Variants in SLC27A4 observed in about 807,000 individuals in gnomAD.
The protein encoded by SLC27A4 is solute carrier family 27 member 4, also known as long-chain fatty acid transport protein 4.
SLC27A4 carries 33 observed loss-of-function variants against 64.4 expected under a neutral mutation model. The ratio of observed to expected loss-of-function variants is 0.51; its 90% CI spans 0.39 to 0.68. The LOEUF is 0.68. Among genes scored for constraint, SLC27A4 ranks in the 30% least tolerant of loss-of-function variants. SLC27A4 has a pLI of 0.00. For synonymous variants in SLC27A4, 377 were observed against 370.0 expected, an observed-to-expected ratio of 1.02 and a Z score of -0.22; for missense variants, 824 against 883.5, an observed-to-expected ratio of 0.93 and a Z score of 0.85.
chr9:128,340,589 G>C lies in SLC27A4; in HGVS notation c.-256G>C. 1 of 242,724 alleles carries C rather than the reference G, an allele frequency of 4.1e-6. No individual in the cohort carries two copies. The allele number at this position is 242,724 out of a possible 1,614,324, so 15.0% of individuals were successfully genotyped here. ...GCTTGCCGGCTTCGGGGAAGGTGCG[G>C]CAGGCGGTGCTGCGGCCTGGCACAG... is the stretch of plus-strand genomic sequence containing the variant. On this transcript the variant is annotated 5_prime_UTR_variant, in exon 1 of 13. Transcript: ENST00000300456.
At chr9:128,347,572 C>A (rs1466228189) in intron 3 of SLC27A4, among the ~76,000 whole-genome samples, 3 of 151,056 alleles carry the variant, frequency 2.0e-5, no homozygotes, top group African/African-American at 7.3e-5. Flanking sequence ...ACTAAAAATA[C>A]AAAAATTAGC....
At chr9:128,352,884 CAGATGGGAAGGCTGAGA>C in intron 7 of SLC27A4, 124 bp from the exon 8 acceptor site, 4 of 1,060,396 alleles carry the variant, frequency 3.8e-6, no homozygotes, top group Non-Finnish European at 5.7e-6. Context: ...TCCCATTGTT[CAGATGGGAAGGCTGAGA>C]CCCGGAGAGG....
At chr9:128,351,310 C>A (rs1832733020) in intron 6 of SLC27A4, among the ~76,000 whole-genome samples, 1 of 151,458 alleles carries the variant, frequency 6.6e-6, no homozygotes, top group African/African-American at 2.4e-5. Context: ...GCCTGTAATC[C>A]CAGCTACCTG....
rs185356013 is a variant in SLC27A4, at chr9:128,359,349, C to T, written c.1775-985C>T. Among the ~76,000 whole-genome samples, 8 of 152,186 alleles carry T rather than the reference C, an allele frequency of 5.3e-5. No individual in the cohort carries two copies. The East Asian group carries it at 1.2e-3, about 22-fold the overall frequency. Reference sequence around the variant, plus strand: ...ACAAGAAATACAAAACTTGGCCAGGCGCAGTGGCCCACGCCTGTAATCCCA... The same window carrying T: ...ACAAGAAATACAAAACTTGGCCAGGTGCAGTGGCCCACGCCTGTAATCCCA... On this transcript the variant is annotated intron_variant, in intron 12 of 12. Transcript: ENST00000300456.
chr9:128,360,680 A>G lies in SLC27A4; in HGVS notation c.*189A>G. 1 of 620,024 alleles carries G rather than the reference A, an allele frequency of 1.6e-6. No homozygotes were observed. The highest frequency in any genetic ancestry group is 2.8e-6 in the Non-Finnish European group (1 of 354,570). 38.4% of individuals were successfully genotyped at this position (620,024 alleles called of 1,614,324 possible). A position where few individuals can be genotyped will look rare whatever the true frequency, so the allele number is the denominator to read the frequency against. The stretch of plus-strand genomic sequence containing the variant: ...CAACCCTTCCAGAGGCTTTCTGTGA[A>G]AGTCTCATGTCCAAGTTCCGTCTTC... On this transcript the variant is annotated 3_prime_UTR_variant, in exon 13 of 13. Coordinates refer to ENST00000300456, the MANE Select transcript of SLC27A4 (RefSeq NM_005094.4).
intron 6 of SLC27A4, among the ~76,000 whole-genome samples, chr9:128,351,791 G>A (rs552539990): frequency 6.6e-6 from 1 of 152,098 alleles, no homozygotes; most frequent in South Asian, 2.1e-4. Flanking sequence ...TGGTGCACAT[G>A]CCTATGGTCT....
intron 2 of SLC27A4, 24 bp downstream of exon 2, chr9:128,343,317 C>G (rs758434369): frequency 6.2e-7 from 1 of 1,613,918 alleles, no homozygotes; most frequent in Non-Finnish European, 8.5e-7. Flanking sequence ...CCAGCCTTTC[C>G]TGGGGTCTGC....
At position 128,353,226 on chromosome 9, in the gene SLC27A4, G is replaced by A. The variant is rs778382495; in HGVS notation, c.1189G>A (p.Asp397Asn). 2.5e-5 allele frequency: 41 copies of A among 1,613,864 alleles called. No individual in the cohort carries two copies. Among genetic ancestry groups the A allele is most frequent in the Middle Eastern group, 1.7e-4 (1 of 6,026 alleles). ...TECNCSLGNF[D>N]SQVGACGFNS... ...GTGCAACTGTAGCCTGGGCAACTTC[G>A]ACAGCCAGGTGCGGCCAGGTTGGGG... Residue 397 changes from aspartate to asparagine, a missense_variant, in exon 8 of 13, where the codon GAC becomes AAC. By Grantham distance (23) the Asp-to-Asn change is conservative (BLOSUM62 1). Coordinates refer to ENST00000300456, the MANE Select transcript of SLC27A4 (RefSeq NM_005094.4). The surrounding 1 kb of genome is among the most constrained non-coding windows in gnomAD (Gnocchi z 4.9).
In SLC27A4 at chr9:128,343,257, T is replaced by G. The variant is rs1207590505; in HGVS notation, c.125T>G (p.Ile42Ser). Residue 42 changes from isoleucine to serine, a missense_variant, in exon 2 of 13, where the codon ATC (isoleucine) becomes AGC (serine). Coordinates refer to ENST00000300456, the MANE Select transcript of SLC27A4 (RefSeq NM_005094.4). ...TTGGGATCTGGCGGCTGGCGCTTCATCCGGGTCTTCATCAAGACCATCAGG... is the reference window on the plus strand; with the variant it reads ...TTGGGATCTGGCGGCTGGCGCTTCAGCCGGGTCTTCATCAAGACCATCAGG... Reference protein sequence around the residue: ...LYLGSGGWRFIRVFIKTIRRD... With the variant: ...LYLGSGGWRFSRVFIKTIRRD... 3 of 1,614,122 alleles carry G rather than the reference T, an allele frequency of 1.9e-6. No homozygotes were observed. The highest frequency in any genetic ancestry group is 2.5e-6 in the Non-Finnish European group (3 of 1,179,996).
chr9:128,345,440 C>T lies in SLC27A4; in HGVS notation c.447C>T (p.Leu149=), dbSNP rs770864785. The T allele has an allele frequency of 1.8e-5, 29 of 1,613,394 alleles. No homozygotes were observed. In the Admixed American group the frequency reaches 1.8e-4, roughly 10 times the overall value. Residue 149 remains leucine, a synonymous_variant, in exon 3 of 13, where the codon CTC becomes CTT. Transcript: ENST00000300456. This position sits in a 1 kb window ranked among gnomAD's most constrained non-coding sequence, Gnocchi z 4.1. ...GCCTATGGCTGGGCATGGCCAAGCT[C>T]GGTGTGGAGGCAGCCCTCATCAACA... is the stretch of plus-strand genomic sequence containing the variant. ...FVGLWLGMAK[L]GVEAALINTN... is the part of the protein sequence containing the mutation.
At chr9:128,352,030 CAAA>C (rs769698769) in intron 6 of SLC27A4, among the ~76,000 whole-genome samples, 1 of 113,088 alleles carries the variant, frequency 8.8e-6, no homozygotes, top group African/African-American at 3.3e-5. Context: ...ACTAAAAATA[CAAA>C]AAAAAAAAAA....
chr9:128,348,731 G>A (rs1195228072), intron 4 of SLC27A4, 28 bp downstream of exon 4: 1 of 1,612,036 alleles, frequency 6.2e-7, no homozygotes, highest in Non-Finnish European at 8.5e-7. Context: ...CCCATAGAGG[G>A]GCTCTCACAC....
chr9:128,341,200 G>C (rs1832566474), intron 1 of SLC27A4, among the ~76,000 whole-genome samples: 1 of 152,186 alleles, frequency 6.6e-6, no homozygotes, highest in Non-Finnish European at 1.5e-5. Context: ...CGAGGGGGAG[G>C]GGGAGATGGT....
At position 128,345,950 on chromosome 9, in the gene SLC27A4, G is replaced by A. The variant is rs886315175; in HGVS notation, c.556+401G>A. Among the ~76,000 whole-genome samples, 1 of 152,136 alleles carries A rather than the reference G, an allele frequency of 6.6e-6. No homozygotes were observed. Among genetic ancestry groups the A allele is most frequent in the African/African-American group, 2.4e-5 (1 of 41,428 alleles). On this transcript the variant is annotated intron_variant, in intron 3 of 12. Coordinates refer to ENST00000300456, the MANE Select transcript of SLC27A4 (RefSeq NM_005094.4). The surrounding 1 kb of genome is among the most constrained non-coding windows in gnomAD (Gnocchi z 4.1). ...GGGTCTTGCCCTGTCACCCAGGCTG[G>A]AGTGCAGTGGTGCAGTCACAGCTCA...
At chr9:128,356,119 A>G (rs945656520) in intron 12 of SLC27A4, among the ~76,000 whole-genome samples, 3 of 152,198 alleles carry the variant, frequency 2.0e-5, no homozygotes, top group Non-Finnish European at 4.4e-5. Context: ...AATCGACCAC[A>G]TAATCTGTCA....
At position 128,359,600 on chromosome 9, in the gene SLC27A4, C is replaced by T. The variant is rs577970347; in HGVS notation, c.1775-734C>T. Reference sequence around the variant, plus strand: ...AGATCGTGCCACTGCATTCCAGCCCCGGTGACAGTGCAGGACTCCGTCTCC... The same window carrying T: ...AGATCGTGCCACTGCATTCCAGCCCTGGTGACAGTGCAGGACTCCGTCTCC... On this transcript the variant is annotated intron_variant, in intron 12 of 12. Coordinates refer to ENST00000300456, the MANE Select transcript of SLC27A4 (RefSeq NM_005094.4). Among the ~76,000 whole-genome samples, 6 of 152,132 alleles carry T rather than the reference C, an allele frequency of 3.9e-5. No homozygotes were observed. In the South Asian group the frequency reaches 6.2e-4, roughly 16 times the overall value.
intron 3 of SLC27A4, among the ~76,000 whole-genome samples, chr9:128,347,404 G>A (rs910044664): frequency 1.3e-4 from 20 of 152,156 alleles, no homozygotes; most frequent in African/African-American, 4.8e-4. Context: ...TGTTGTGGTT[G>A]TGGGATAATG....
chr9:128,347,645 T>C (rs1832675729), intron 3 of SLC27A4, among the ~76,000 whole-genome samples: 1 of 149,888 alleles, frequency 6.7e-6, no homozygotes, highest in Admixed American at 6.7e-5. Flanking sequence ...AAGAATCACT[T>C]GAACCAAGTG....
chr9:128,353,187 T>C lies in SLC27A4; in HGVS notation c.1150T>C (p.Tyr384His). 6.2e-7 allele frequency: 1 copy of C among 1,614,174 alleles called. No individual in the cohort carries two copies. Among genetic ancestry groups the C allele is most frequent in the Non-Finnish European group, 8.5e-7 (1 of 1,180,038 alleles). ...CCACATACCCCAGGTGGCTGAGTTC[T>C]ACGGGGCCACAGAGTGCAACTGTAG... Reference protein sequence around the residue: ...RFHIPQVAEFYGATECNCSLG... With the variant: ...RFHIPQVAEFHGATECNCSLG... The change falls in exon 8 of 13, where the codon TAC becomes CAC. Residue 384 changes from tyrosine to histidine, a missense_variant. Transcript: ENST00000300456. This position sits in a 1 kb window ranked among gnomAD's most constrained non-coding sequence, Gnocchi z 4.9.
Sources: allele counts gnomAD v4.1 joint callset (sites outside exome capture counted in the v4.1 genomes callset), GRCh38; gene constraint gnomAD v4.1.1; non-coding constraint Gnocchi (gnomAD v3.1); transcripts MANE v1.5; gene names NCBI Gene and HGNC (gene_info 2026-07-23, HGNC 2026-07-21).